Variants in TSPEAR observed in about 807,000 individuals in gnomAD.
TSPEAR encodes thrombospondin-type laminin G domain and EAR repeat-containing protein.
A neutral mutation model predicts 71.6 loss-of-function variants in TSPEAR; 69 were observed. That is an observed-to-expected ratio of 0.96 (90% CI 0.79 to 1.18). TSPEAR has a LOEUF of 1.18. Ranked by LOEUF, TSPEAR falls within the 50% of genes most tolerant of loss-of-function variation. The pLI, the probability that TSPEAR is intolerant of heterozygous loss-of-function variation, is 0.00. For synonymous variants in TSPEAR, 402 were observed against 387.2 expected (o/e 1.04, Z -0.45); for missense variants, 971 against 894.9 (o/e 1.09, Z -1.09).
Position 44,567,889 on chromosome 21 carries a change from G to A in TSPEAR, c.199C>T (p.Arg67Cys), listed in dbSNP as rs587631627. 3.8e-5 allele frequency: 61 copies of A among 1,607,150 alleles called. No homozygotes were observed. The South Asian group carries it at 4.1e-4, about 11-fold the overall frequency. Residue 67 changes from arginine (R) to cysteine (C), a missense_variant, in exon 2 of 12, where the codon CGC (arginine) becomes TGC (cysteine). Arg to Cys is a radical substitution (Grantham distance 180). Transcript: ENST00000323084. ...RGLQLSVAAP[R>C]TMSFPASRIF... is the part of the protein sequence containing the mutation. ...CTGGATGCTGGGAAGCTCATGGTGC[G>A]GGGGGCGGCTACTGAGAGCTGGAGT...
At chr21:44,643,227 G>A (rs1683587244) in intron 1 of TSPEAR, among the ~76,000 whole-genome samples, 1 of 152,216 alleles carries the variant, frequency 6.6e-6, no homozygotes, top group Non-Finnish European at 1.5e-5. Context: ...CCAAAGCAGA[G>A]AGTAGAATGG....
chr21:44,528,611 T>A (rs782384866), intron 5 of TSPEAR, 28 bp from the exon 6 acceptor site: 2 of 1,611,666 alleles, frequency 1.2e-6, no homozygotes, highest in Non-Finnish European at 1.7e-6. Flanking sequence ...AAGATGAGTT[T>A]CCAGCAAGCC....
chr21:44,578,303 T>C (rs1355479322), intron 1 of TSPEAR, among the ~76,000 whole-genome samples: 2 of 152,046 alleles, frequency 1.3e-5, no homozygotes, highest in East Asian at 3.9e-4. Flanking sequence ...AATAGGCAAA[T>C]GACTGGAAAT....
chr21:44,676,356 T>C (rs1986312282), intron 1 of TSPEAR: 2 of 1,141,678 alleles, frequency 1.8e-6, no homozygotes, highest in East Asian at 2.3e-5. Flanking sequence ...TGGCCTCAAC[T>C]GCACTACCCA....
intron 1 of TSPEAR, chr21:44,647,355 A>G (rs1321637581): frequency 1.9e-6 from 3 of 1,613,252 alleles, no homozygotes; most frequent in Non-Finnish European, 2.5e-6. Context: ...CCAGCTGCTG[A>G]GTGCTCAATC....
At chr21:44,679,422 T>A (rs782727314) in intron 1 of TSPEAR, among the ~76,000 whole-genome samples, 1 of 152,180 alleles carries the variant, frequency 6.6e-6, no homozygotes, top group Non-Finnish European at 1.5e-5. Flanking sequence ...GGAAAGACAT[T>A]CCATGTTCAT....
Position 44,702,645 on chromosome 21 carries a change from C to T in TSPEAR, c.82+8788G>A. The T allele has an allele frequency of 1.9e-6, 3 of 1,586,680 alleles. No homozygotes were observed. In the South Asian group the frequency reaches 3.3e-5, roughly 18 times the overall value. On this transcript the variant is annotated intron_variant, in intron 1 of 11. Transcript: ENST00000323084. Reference sequence around the variant, plus strand: ...TCCTCTGCCACCCTGTGTGCAGGCCCACCTGCTGCATGCCCGTCCCCTCCT... The same window carrying T: ...TCCTCTGCCACCCTGTGTGCAGGCCTACCTGCTGCATGCCCGTCCCCTCCT...
chr21:44,620,763 G>C (rs1555933365), intron 1 of TSPEAR, among the ~76,000 whole-genome samples: 1 of 152,184 alleles, frequency 6.6e-6, no homozygotes, highest in African/African-American at 2.4e-5. Flanking sequence ...TTAATGATTT[G>C]AGATGTTTCT....
At chr21:44,669,766 C>G (rs1164420581) in intron 1 of TSPEAR, among the ~76,000 whole-genome samples, 1 of 152,198 alleles carries the variant, frequency 6.6e-6, no homozygotes, top group African/African-American at 2.4e-5. Flanking sequence ...ATCCGGATGC[C>G]CTTTGCCCCA....
intron 1 of TSPEAR, chr21:44,579,925 G>C (rs1555924686): frequency 6.2e-7 from 1 of 1,614,050 alleles, no homozygotes; most frequent in African/African-American, 1.3e-5. Context: ...ACACGGAGGA[G>C]GAGGGTCTGC....
chr21:44,694,219 T>C (rs1303303166), intron 1 of TSPEAR, among the ~76,000 whole-genome samples: 1 of 152,216 alleles, frequency 6.6e-6, no homozygotes, highest in African/African-American at 2.4e-5. Context: ...TGAAGGAATA[T>C]TATTTATCCA....
At chr21:44,551,768 G>T (rs1221723855) in intron 2 of TSPEAR, among the ~76,000 whole-genome samples, 1 of 152,178 alleles carries the variant, frequency 6.6e-6, no homozygotes, top group Non-Finnish European at 1.5e-5. Context: ...AGGAGGGAAG[G>T]TGTGGCCTCT....
chr21:44,591,503 A>G (rs781885878), intron 1 of TSPEAR: 2 of 1,613,810 alleles, frequency 1.2e-6, no homozygotes, highest in Admixed American at 3.3e-5. Context: ...TGGCAGGAGG[A>G]GGCAGAGGCA....
In TSPEAR at chr21:44,595,318, C is replaced by G. The variant is rs77706494; in HGVS notation, c.83-27313G>C. ...GAGGCTCTGTTCTATACAGTCTCCA[C>G]CAGCACCGAATAACCAAATACTGAA... On this transcript the variant is annotated intron_variant, in intron 1 of 11. Coordinates refer to ENST00000323084, the MANE Select transcript of TSPEAR (RefSeq NM_144991.3). Among the ~76,000 whole-genome samples, 1,268 of 152,298 alleles carry G rather than the reference C, an allele frequency of 8.3e-3. 11 individuals carry two copies. Among genetic ancestry groups the G allele is most frequent in the African/African-American group, 0.029 (1,197 of 41,546 alleles).
intron 1 of TSPEAR, among the ~76,000 whole-genome samples, chr21:44,577,576 G>A (rs1569197339): frequency 6.6e-6 from 1 of 152,150 alleles, no homozygotes; most frequent in Non-Finnish European, 1.5e-5. Context: ...ACTCATTATT[G>A]TGGGGGTGGC....
chr21:44,581,954 G>C (rs1219942260), intron 1 of TSPEAR, among the ~76,000 whole-genome samples: 3 of 152,066 alleles, frequency 2.0e-5, no homozygotes, highest in African/African-American at 7.2e-5. Flanking sequence ...AATATATAAA[G>C]GATTTTAAAG....
At position 44,524,116 on chromosome 21, in the gene TSPEAR, C is replaced by T. The variant is rs587651367; in HGVS notation, c.1336+1537G>A. Among the ~76,000 whole-genome samples the T allele has an allele frequency of 1.9e-3, 277 of 148,930 alleles. 1 individual carries two copies. Among genetic ancestry groups the T allele is most frequent in the African/African-American group, 6.8e-3 (267 of 39,350 alleles). On this transcript the variant is annotated intron_variant, in intron 8 of 11. Transcript: ENST00000323084. ...TAAGTGAGGTAGTCAGGTAGTCAGT[C>T]AGATAGTCAGTCAGTCAGTGAGGTA... is the stretch of plus-strand genomic sequence containing the variant.
chr21:44,579,552 A>G, intron 1 of TSPEAR: 2 of 633,666 alleles, frequency 3.2e-6, no homozygotes. Context: ...GGGAGGGAGG[A>G]CAGGGGACCC....
intron 1 of TSPEAR, among the ~76,000 whole-genome samples, chr21:44,634,947 T>C (rs112458331): frequency 9.2e-5 from 14 of 152,302 alleles, no homozygotes; most frequent in African/African-American, 3.4e-4. Flanking sequence ...GTCTGGCACG[T>C]CCTCAAAATG....
Sources: allele counts gnomAD v4.1 joint callset (sites outside exome capture counted in the v4.1 genomes callset), GRCh38; gene constraint gnomAD v4.1.1; transcripts MANE v1.5; gene names NCBI Gene and HGNC (gene_info 2026-07-23, HGNC 2026-07-21).